SPATA13: variants seen among roughly 807,000 people sequenced by gnomAD.
The protein encoded by SPATA13 is spermatogenesis associated 13, also known as spermatogenesis-associated protein 13.
In SPATA13, 50 loss-of-function variants were observed where a neutral mutation model predicts 104.0. The observed-to-expected ratio is 0.48, with a 90% CI of 0.38 to 0.61. The LOEUF (loss-of-function observed/expected upper bound fraction) is 0.61, where lower values mean the gene tolerates loss of function less well. SPATA13 is among the 20% of genes least tolerant of loss of function. SPATA13 has a pLI of 0.00. For missense variants in SPATA13, 1,524 were observed against 1,690.6 expected (o/e 0.90, Z 1.73); for synonymous variants, 606 against 667.5 (o/e 0.91, Z 1.42).
intron 3 of SPATA13, among the ~76,000 whole-genome samples, chr13:24,139,981 T>C (rs984717308): frequency 1.3e-5 from 2 of 149,740 alleles, no homozygotes; most frequent in East Asian, 3.9e-4. Context: ...GGCAGGAGAA[T>C]GGTGTGAACC....
intron 3 of SPATA13, among the ~76,000 whole-genome samples, chr13:24,150,615 C>T (rs753875658): frequency 7.2e-5 from 11 of 152,076 alleles, no homozygotes; most frequent in African/African-American, 1.2e-4. Context: ...TGTAAGTAGG[C>T]CAGTAGGCTG....
rs1204028810 is a variant in SPATA13, at chr13:24,297,392, A to G, written c.3240A>G (p.Glu1080=). Reference sequence around the variant, plus strand: ...TGGATATCTTAGACCGAAGCTCAGAATTGATTCATTCTGGGGAGCTGACCA... The same window carrying G: ...TGGATATCTTAGACCGAAGCTCAGAGTTGATTCATTCTGGGGAGCTGACCA... ...EGLDILDRSS[E]LIHSGELTKI... is the part of the protein sequence containing the mutation. The change falls in exon 11 of 13, where the codon GAA becomes GAG. Residue 1080 remains glutamate, a synonymous_variant. Coordinates refer to ENST00000382108, the MANE Select transcript of SPATA13 (RefSeq NM_001166271.3). The G allele has an allele frequency of 1.2e-6, 2 of 1,613,032 alleles. No homozygotes were observed. The highest frequency in any genetic ancestry group is 2.2e-5 in the South Asian group (2 of 91,084).
intron 4 of SPATA13, chr13:24,278,865 T>A (rs1204449590): frequency 4.6e-6 from 7 of 1,514,412 alleles, no homozygotes; most frequent in Non-Finnish European, 6.1e-6. Context: ...GTCCACATGC[T>A]GTTTTTCTTT....
At chr13:24,141,597 G>A (rs377416068) in intron 3 of SPATA13, among the ~76,000 whole-genome samples, 2 of 152,150 alleles carry the variant, frequency 1.3e-5, no homozygotes, top group South Asian at 4.1e-4. Flanking sequence ...CACTAGGGCA[G>A]TCCCTGTGAT....
At chr13:24,122,578 A>G in intron 3 of SPATA13, 2 of 1,537,816 alleles carry the variant, frequency 1.3e-6, no homozygotes, top group Admixed American at 1.7e-5. Flanking sequence ...ACCTCTAACA[A>G]TTTTGTTGCA....
intron 3 of SPATA13, among the ~76,000 whole-genome samples, chr13:24,037,852 A>G (rs1271775865): frequency 6.6e-6 from 1 of 152,080 alleles, no homozygotes; most frequent in Admixed American, 6.6e-5. Flanking sequence ...CTGTGTATAT[A>G]TATCATTCTT....
chr13:24,222,541 GT>G (rs1404435588), intron 1 of SPATA13, among the ~76,000 whole-genome samples: 6 of 152,070 alleles, frequency 3.9e-5, no homozygotes, highest in African/African-American at 1.4e-4. Flanking sequence ...CATTCCAGCG[GT>G]TTTTTTCCTA....
chr13:24,271,569 T>G (rs1482611639), intron 4 of SPATA13, among the ~76,000 whole-genome samples: 1 of 152,220 alleles, frequency 6.6e-6, no homozygotes, highest in Non-Finnish European at 1.5e-5. Context: ...TATTTAAATG[T>G]GAAAGAAACT....
At position 24,302,811 on chromosome 13, in the gene SPATA13, GAGA is replaced by G. The variant is rs1436106650; in HGVS notation, c.*43_*45del. The G allele has an allele frequency of 5.0e-6, 8 of 1,612,998 alleles. No homozygotes were observed. The highest frequency in any genetic ancestry group is 1.3e-5 in the African/African-American group (1 of 74,908). ...GTGCTTCCATGGAGCTGGGTGTCAA[GAGA>G]AGAACTGTCTTTGTTTCTTGTGTGC... On this transcript the variant is annotated 3_prime_UTR_variant, in exon 13 of 13. Transcript: ENST00000382108.
chr13:23,999,483 T>C (rs2810703), intron 2 of SPATA13, among the ~76,000 whole-genome samples: 119,017 of 152,022 alleles, frequency 0.78, 46,874 homozygotes, highest in African/African-American at 0.87. Context: ...CAACCCATCA[T>C]ACAGTCTATC....
chr13:23,993,032 C>G (rs1229460998), intron 2 of SPATA13, among the ~76,000 whole-genome samples: 1 of 152,212 alleles, frequency 6.6e-6, no homozygotes, highest in Non-Finnish European at 1.5e-5. Flanking sequence ...TATTATGTGC[C>G]TGGGCTCGGT....
At chr13:24,074,315 T>A (rs1879255002) in intron 3 of SPATA13, among the ~76,000 whole-genome samples, 1 of 152,242 alleles carries the variant, frequency 6.6e-6, no homozygotes, top group South Asian at 2.1e-4. Context: ...TTCATCCACG[T>A]GGTAGCATGT....
At chr13:24,146,725 G>A (rs1051606119) in intron 3 of SPATA13, among the ~76,000 whole-genome samples, 1 of 152,076 alleles carries the variant, frequency 6.6e-6, no homozygotes, top group African/African-American at 2.4e-5. Context: ...CATTTAATTA[G>A]TATATACCTT....
intron 3 of SPATA13, among the ~76,000 whole-genome samples, chr13:24,103,985 C>G (rs763587636): frequency 1.6e-4 from 25 of 152,198 alleles, no homozygotes; most frequent in Non-Finnish European, 2.6e-4. Context: ...AGGGCCGATT[C>G]CAGCACTTTC....
At chr13:24,063,981 G>T (rs752361726) in intron 3 of SPATA13, among the ~76,000 whole-genome samples, 4 of 152,044 alleles carry the variant, frequency 2.6e-5, no homozygotes, top group Non-Finnish European at 5.9e-5. Context: ...TGGCCTCACC[G>T]CCTCCAGTGG....
chr13:24,123,055 G>C, intron 3 of SPATA13: 1 of 956,098 alleles, frequency 1.0e-6, no homozygotes, highest in Non-Finnish European at 1.7e-6. Context: ...GCCAAATGTT[G>C]TGTCATTTCT....
chr13:24,271,880 A>G (rs1227722368), intron 4 of SPATA13, among the ~76,000 whole-genome samples: 4 of 152,222 alleles, frequency 2.6e-5, no homozygotes, highest in Admixed American at 6.5e-5. Flanking sequence ...ACAGACAGAA[A>G]GCAGGGATGT....
intron 3 of SPATA13, among the ~76,000 whole-genome samples, chr13:24,137,760 G>A (rs1396622394): frequency 6.6e-6 from 1 of 152,150 alleles, no homozygotes; most frequent in Admixed American, 6.5e-5. Context: ...GAGTGAGACT[G>A]TCTCTCCAAA....
At chr13:24,104,932 C>G (rs1453513718) in intron 3 of SPATA13, among the ~76,000 whole-genome samples, 2 of 152,154 alleles carry the variant, frequency 1.3e-5, no homozygotes, top group Non-Finnish European at 1.5e-5. Flanking sequence ...TTCCTCTTTT[C>G]TAGAATGGTG....
Sources: gnomAD v4.1 joint callset for allele counts (sites outside exome capture counted in the v4.1 genomes callset) on GRCh38, gnomAD v4.1.1 for gene constraint, MANE v1.5 for transcripts, NCBI Gene and HGNC (gene_info 2026-07-23, HGNC 2026-07-21) for gene names.